PRDM5: variants seen among roughly 807,000 people sequenced by gnomAD.
The protein encoded by PRDM5 is PR/SET domain 5.
A neutral mutation model predicts 81.2 loss-of-function variants in PRDM5; 56 were observed. The ratio of observed to expected loss-of-function variants is 0.69; its 90% confidence interval spans 0.56 to 0.86. PRDM5 has a LOEUF of 0.86. Ranked by LOEUF, PRDM5 falls within the 40% of genes least tolerant of loss-of-function variation. The pLI is 0.00. For synonymous variants in PRDM5, 267 were observed against 256.4 expected (o/e 1.04, Z -0.39); for missense variants, 697 against 770.1 (o/e 0.91, Z 1.12).
At chr4:120,792,418 A>T (rs1423506303) in intron 10 of PRDM5, among the ~76,000 whole-genome samples, 2 of 152,220 alleles carry the variant, frequency 1.3e-5, no homozygotes, top group Non-Finnish European at 2.9e-5. Context: ...TTTTCATAAG[A>T]TATCTACTAA....
chr4:120,766,659 T>A lies in PRDM5; in HGVS notation c.1537+10529A>T, dbSNP rs143855622. On this transcript the variant is annotated intron_variant, in intron 13 of 15. Coordinates refer to ENST00000264808, the MANE Select transcript of PRDM5 (RefSeq NM_018699.4). ...TGTCAAAGAATAAGAAATAAAAATA[T>A]CAGCAATGTGATATATTGGAAAAAG... 4.0e-3 allele frequency among the ~76,000 whole-genome samples: 602 copies of A among 152,288 alleles called. 5 individuals carry two copies. The highest frequency in any genetic ancestry group is 0.014 in the African/African-American group (576 of 41,552).
chr4:120,713,063 A>G (rs1578444835), intron 14 of PRDM5, among the ~76,000 whole-genome samples: 1 of 152,318 alleles, frequency 6.6e-6, no homozygotes, highest in East Asian at 1.9e-4. Flanking sequence ...ATACTCCAAT[A>G]TTCACTGTAT....
At chr4:120,793,872 T>C (rs1173202173) in intron 10 of PRDM5, among the ~76,000 whole-genome samples, 1 of 151,622 alleles carries the variant, frequency 6.6e-6, no homozygotes, top group Non-Finnish European at 1.5e-5. Flanking sequence ...TGTGTGTGTG[T>C]ATACATATAA....
At chr4:120,896,408 T>C (rs1764618423) in intron 2 of PRDM5, 1 of 152,166 alleles carries the variant, frequency 6.6e-6, no homozygotes, top group Non-Finnish European at 1.5e-5. Flanking sequence ...ATTTAATATC[T>C]TTAAATTCTG....
intron 13 of PRDM5, among the ~76,000 whole-genome samples, chr4:120,764,891 A>G (rs557005941): frequency 2.0e-5 from 3 of 152,318 alleles, no homozygotes; most frequent in African/African-American, 7.2e-5. Flanking sequence ...ATAGCAAAAT[A>G]AGTTCTCTCT....
chr4:120,735,254 C>T (rs1254570272), intron 14 of PRDM5, among the ~76,000 whole-genome samples: 5 of 152,194 alleles, frequency 3.3e-5, no homozygotes, highest in Non-Finnish European at 5.9e-5. Flanking sequence ...ATCCAACTTA[C>T]ACTACAGGGA....
rs190376406 is a variant in PRDM5, at chr4:120,812,549, A to G, written c.866-1100T>C. 456 of 158,672 alleles carry G rather than the reference A, an allele frequency of 2.9e-3. 5 individuals carry two copies. Among genetic ancestry groups the G allele is most frequent in the Non-Finnish European group, 7.5e-4 (54 of 72,058 alleles). The allele number at this position is 158,672 out of a possible 1,614,324, so 9.8% of individuals were successfully genotyped here. A position where few individuals can be genotyped will look rare whatever the true frequency, so the allele number is the denominator to read the frequency against. On this transcript the variant is annotated intron_variant, in intron 7 of 15. Coordinates refer to ENST00000264808, the MANE Select transcript of PRDM5 (RefSeq NM_018699.4). ...AATTTTGCTGAACATTTTTTCATAT[A>G]CCTGTTGGCCATTTGTCTTCTTTTG...
intron 13 of PRDM5, among the ~76,000 whole-genome samples, chr4:120,758,781 A>C (rs1197761646): frequency 6.7e-6 from 1 of 149,762 alleles, no homozygotes; most frequent in African/African-American, 2.5e-5. Flanking sequence ...TTTGAGATGG[A>C]GTCTCGCTCT....
At chr4:120,806,040 C>T (rs1220946949) in intron 8 of PRDM5, among the ~76,000 whole-genome samples, 1 of 152,138 alleles carries the variant, frequency 6.6e-6, no homozygotes, top group African/African-American at 2.4e-5. Context: ...CACAAGCATT[C>T]TTATACACCA....
chr4:120,812,109 T>C (rs563176692), intron 7 of PRDM5, among the ~76,000 whole-genome samples: 1 of 152,294 alleles, frequency 6.6e-6, no homozygotes, highest in South Asian at 2.1e-4. Flanking sequence ...CTTCCATATA[T>C]AAGTGAGCAC....
chr4:120,763,441 G>A (rs752237383), intron 13 of PRDM5, among the ~76,000 whole-genome samples: 1 of 152,112 alleles, frequency 6.6e-6, no homozygotes, highest in African/African-American at 2.4e-5. Context: ...GGAGCAAGAC[G>A]ACAGACAATA....
intron 2 of PRDM5, among the ~76,000 whole-genome samples, chr4:120,854,257 C>G (rs941596900): frequency 3.3e-5 from 5 of 152,144 alleles, no homozygotes; most frequent in African/African-American, 1.2e-4. Flanking sequence ...ACCCAAGTTA[C>G]TTGAAATCTA....
intron 1 of PRDM5, among the ~76,000 whole-genome samples, chr4:120,915,592 G>T (rs2148708143): frequency 6.6e-6 from 1 of 152,282 alleles, no homozygotes; most frequent in Middle Eastern, 3.4e-3. Context: ...AAAGCCTTTA[G>T]CTACTGAAGA....
At chr4:120,919,661 T>C (rs1300758101) in intron 1 of PRDM5, among the ~76,000 whole-genome samples, 3 of 152,218 alleles carry the variant, frequency 2.0e-5, no homozygotes, top group Non-Finnish European at 4.4e-5. Context: ...ACTTAATTTA[T>C]GAGTTTTGAG....
intron 1 of PRDM5, among the ~76,000 whole-genome samples, chr4:120,913,329 G>A (rs1362826721): frequency 2.0e-5 from 3 of 152,190 alleles, no homozygotes; most frequent in Non-Finnish European, 2.9e-5. Flanking sequence ...CTTCTGCCCT[G>A]ACATTTTGAG....
chr4:120,712,007 T>C (rs753484071), intron 14 of PRDM5, among the ~76,000 whole-genome samples: 3 of 152,114 alleles, frequency 2.0e-5, no homozygotes, highest in Admixed American at 6.5e-5. Flanking sequence ...ATTCTTGGGC[T>C]GGGCATGGTG....
intron 14 of PRDM5, among the ~76,000 whole-genome samples, chr4:120,753,646 C>T (rs74678034): frequency 0.035 from 5,337 of 151,532 alleles, 309 homozygotes; most frequent in African/African-American, 0.12. Context: ...AAAGTAAAAT[C>T]CAGGAGAGGT....
chr4:120,703,230 G>A (rs1402441438), intron 15 of PRDM5, among the ~76,000 whole-genome samples: 1 of 152,076 alleles, frequency 6.6e-6, no homozygotes, highest in East Asian at 1.9e-4. Flanking sequence ...CTGTCACCCA[G>A]GCTGGAGTGC....
intron 4 of PRDM5, among the ~76,000 whole-genome samples, chr4:120,820,915 G>A (rs1755171484): frequency 6.6e-6 from 1 of 152,182 alleles, no homozygotes; most frequent in African/African-American, 2.4e-5. Flanking sequence ...GTGAGAGCCG[G>A]GAGCTGCCCT....
Sources: gnomAD v4.1 joint callset for allele counts (sites outside exome capture counted in the v4.1 genomes callset) on GRCh38, gnomAD v4.1.1 for gene constraint, MANE v1.5 for transcripts, NCBI Gene and HGNC (gene_info 2026-07-23, HGNC 2026-07-21) for gene names.